DIP2C: variants seen among roughly 807,000 people sequenced by gnomAD.
DIP2C encodes disco-interacting protein 2 homolog C.
Under a neutral mutation model 192.4 loss-of-function variants are expected in DIP2C, and 33 were observed. The ratio of observed to expected loss-of-function variants is 0.17; its 90% CI spans 0.13 to 0.23. The LOEUF is 0.23. Among genes scored for constraint, DIP2C ranks in the 10% least tolerant of loss-of-function variants. The pLI is 1.00. For missense variants in DIP2C, 1,537 were observed against 2,110.1 expected (o/e 0.73, Z 5.32); for synonymous variants, 979 against 864.1 (o/e 1.13, Z -2.33).
intron 1 of DIP2C, among the ~76,000 whole-genome samples, chr10:567,152 G>A (rs557094608): frequency 1.9e-3 from 296 of 152,136 alleles, no homozygotes; most frequent in South Asian, 0.011. Context: ...CAACTCCGGC[G>A]GAAGGAGGAC....
At chr10:321,424 T>C (rs1357840973) in intron 31 of DIP2C, among the ~76,000 whole-genome samples, 4 of 152,202 alleles carry the variant, frequency 2.6e-5, no homozygotes, top group Non-Finnish European at 4.4e-5. Context: ...CCTCTCTCTT[T>C]TGGACAATGT....
Position 627,760 on chromosome 10 carries a change from A to G in DIP2C, c.85+61734T>C, listed in dbSNP as rs565069243. On this transcript the variant is annotated intron_variant, in intron 1 of 36. Coordinates refer to ENST00000280886, the MANE Select transcript of DIP2C (RefSeq NM_014974.3). ...CGCCCAAAAGCTCTGCTCCTGCCAG[A>G]CGTCACAAACAGACCGCACGGCTCA... 2.0e-5 allele frequency among the ~76,000 whole-genome samples: 3 copies of G among 152,388 alleles called. No homozygotes were observed. The South Asian group carries it at 6.2e-4, about 32-fold the overall frequency.
chr10:350,749 C>T (rs989741814), intron 24 of DIP2C, among the ~76,000 whole-genome samples: 15 of 151,094 alleles, frequency 9.9e-5, no homozygotes, highest in African/African-American at 3.7e-4. Context: ...AGCAATTCTC[C>T]CGTTCTCCTG....
At chr10:601,672 G>A (rs1353069356) in intron 1 of DIP2C, among the ~76,000 whole-genome samples, 1 of 152,232 alleles carries the variant, frequency 6.6e-6, no homozygotes, top group Non-Finnish European at 1.5e-5. Flanking sequence ...GCACCACGAA[G>A]GACCATTTCA....
intron 1 of DIP2C, among the ~76,000 whole-genome samples, chr10:675,746 C>G (rs994122563): frequency 2.0e-5 from 3 of 152,066 alleles, no homozygotes; most frequent in Non-Finnish European, 4.4e-5. Context: ...CTAAACAGAC[C>G]AATAATGAGT....
chr10:636,844 C>A lies in DIP2C; in HGVS notation c.85+52650G>T, dbSNP rs191011461. Among the ~76,000 whole-genome samples the A allele has an allele frequency of 4.0e-4, 61 of 152,306 alleles. No individual in the cohort carries two copies. The highest frequency in any genetic ancestry group is 1.3e-3 in the African/African-American group (55 of 41,560). ...TAAACAGGAAGTTTCAGTCTCGAGG[C>A]GCAATCACCTTCCGTCATACACTTC... On this transcript the variant is annotated intron_variant, in intron 1 of 36. Coordinates refer to ENST00000280886, the MANE Select transcript of DIP2C (RefSeq NM_014974.3). This position sits in a 1 kb window ranked among gnomAD's most constrained non-coding sequence, Gnocchi z 4.6.
At chr10:493,143 G>A (rs1844569928) in intron 1 of DIP2C, among the ~76,000 whole-genome samples, 1 of 152,222 alleles carries the variant, frequency 6.6e-6, no homozygotes, top group Admixed American at 6.5e-5. Context: ...CCCCGGAGAT[G>A]CCCCAGCAGT....
At chr10:300,974 CT>C (rs796263542) in intron 32 of DIP2C, among the ~76,000 whole-genome samples, 1 of 152,156 alleles carries the variant, frequency 6.6e-6, no homozygotes, top group South Asian at 2.1e-4. Context: ...GAAAAATAAG[CT>C]TTTCTGTTTA....
rs936782184 is a variant in DIP2C at position 512,907 on chromosome 10, G to A, written c.86-26377C>T. The stretch of plus-strand genomic sequence containing the variant: ...CCACTCCAGCCTGGGTGACAACAGC[G>A]AGACCCCACTTCAGGAAAAAAAAAA... On this transcript the variant is annotated intron_variant, in intron 1 of 36. Transcript: ENST00000280886. Among the ~76,000 whole-genome samples, 4 of 122,370 alleles carry A rather than the reference G, an allele frequency of 3.3e-5. No individual in the cohort carries two copies. In the East Asian group the frequency reaches 7.5e-4, roughly 23 times the overall value. 80.3% of individuals were successfully genotyped at this position (122,370 alleles called of 152,430 possible). A position where few individuals can be genotyped will look rare whatever the true frequency, so the allele number is the denominator to read the frequency against.
intron 33 of DIP2C, 106 bp downstream of exon 33, chr10:288,256 ATT>A: frequency 9.0e-7 from 1 of 1,109,006 alleles, no homozygotes; most frequent in Non-Finnish European, 1.3e-6. Flanking sequence ...CTTTCAAGAA[ATT>A]GTTTTGGAAA....
rs2133109786 is a variant in DIP2C, at chr10:415,836, G to A, written c.792C>T (p.Thr264=). 1 of 1,613,796 alleles carries A rather than the reference G, an allele frequency of 6.2e-7. No individual in the cohort carries two copies. Among genetic ancestry groups the A allele is most frequent in the African/African-American group, 1.3e-5 (1 of 74,902 alleles). Residue 264 remains threonine (T), a synonymous_variant, in exon 7 of 37, where the codon ACC becomes ACT. Transcript: ENST00000280886. ...VSAKIQQLVN[T]LKRPKRPPLR... ...AAGGTGGTCGTTTCGGTCGTTTGAG[G>A]GTATTGACAAGCTGCTGGATTTTTG...
chr10:405,850 T>C (rs1964764556), intron 9 of DIP2C, among the ~76,000 whole-genome samples: 1 of 152,178 alleles, frequency 6.6e-6, no homozygotes, highest in Admixed American at 6.5e-5. Flanking sequence ...GGCCCTGCTG[T>C]CCAGGCGAAA....
At chr10:340,905 A>G (rs769752283) in intron 29 of DIP2C, 35 of 500,914 alleles carry the variant, frequency 7.0e-5, no homozygotes, top group Non-Finnish European at 1.1e-4. Flanking sequence ...TTTTACAGGC[A>G]TAAGAACCAA....
intron 1 of DIP2C, among the ~76,000 whole-genome samples, chr10:580,573 ATGTAG>A (rs1220594936): frequency 6.6e-6 from 1 of 152,106 alleles, no homozygotes; most frequent in Non-Finnish European, 1.5e-5. Context: ...TGTAGGACAC[ATGTAG>A]TGTACATACC....
At chr10:648,413 G>C (rs561912703) in intron 1 of DIP2C, among the ~76,000 whole-genome samples, 8 of 152,066 alleles carry the variant, frequency 5.3e-5, no homozygotes, top group African/African-American at 1.9e-4. Flanking sequence ...AGGAAACTGA[G>C]TCCACGTCCA....
intron 24 of DIP2C, among the ~76,000 whole-genome samples, chr10:350,310 C>T (rs1958729386): frequency 6.6e-6 from 1 of 152,082 alleles, no homozygotes. Context: ...TGGTCTCAAA[C>T]TCGTGGCCTC....
chr10:509,772 C>T (rs567528021), intron 1 of DIP2C, among the ~76,000 whole-genome samples: 27 of 152,064 alleles, frequency 1.8e-4, no homozygotes, highest in Admixed American at 1.0e-3. Flanking sequence ...TTGGAGAGGA[C>T]GGGGCGCCGC....
chr10:517,317 T>A (rs182305746), intron 1 of DIP2C, among the ~76,000 whole-genome samples: 2 of 152,148 alleles, frequency 1.3e-5, no homozygotes, highest in South Asian at 2.1e-4. Flanking sequence ...ACCCCCACTA[T>A]GGTAGAACAC....
At chr10:392,847 C>T (rs1963603431) in intron 10 of DIP2C, among the ~76,000 whole-genome samples, 1 of 151,642 alleles carries the variant, frequency 6.6e-6, no homozygotes, top group South Asian at 2.1e-4. Flanking sequence ...CGCACACACA[C>T]GTCCCCACAC....
Sources: allele counts gnomAD v4.1 joint callset (sites outside exome capture counted in the v4.1 genomes callset), GRCh38; gene constraint gnomAD v4.1.1; non-coding constraint Gnocchi (gnomAD v3.1); transcripts MANE v1.5; gene names NCBI Gene and HGNC (gene_info 2026-07-23, HGNC 2026-07-21).